ASB4: variants seen among roughly 807,000 people sequenced by gnomAD.
ASB4 encodes the protein ankyrin repeat and SOCS box containing 4.
In ASB4, 35 loss-of-function variants were observed where a neutral mutation model predicts 38.6. The observed-to-expected ratio is 0.91, with a 90% CI of 0.69 to 1.20. ASB4 has a LOEUF of 1.20. Among genes scored for constraint, ASB4 ranks in the 50% most tolerant of loss-of-function variants. ASB4 has a pLI of 0.00. For synonymous variants in ASB4, 195 were observed against 201.3 expected (o/e 0.97, Z 0.26); for missense variants, 557 against 527.2 (o/e 1.06, Z -0.55).
intron 2 of ASB4, among the ~76,000 whole-genome samples, chr7:95,518,386 G>A (rs1307184059): frequency 3.3e-5 from 5 of 152,234 alleles, no homozygotes; most frequent in South Asian, 2.1e-4. Context: ...TAGAGATGGC[G>A]AAGCCATAAG....
chr7:95,515,355 CTTTCTTTCT>C (rs1790566888), intron 2 of ASB4, among the ~76,000 whole-genome samples: 1 of 85,982 alleles, frequency 1.2e-5, no homozygotes, highest in Non-Finnish European at 2.5e-5. Context: ...CTTTCTTTTT[CTTTCTTTCT>C]TTTCTTTCTT....
At chr7:95,490,951 G>A (rs572684427) in intron 1 of ASB4, among the ~76,000 whole-genome samples, 1 of 152,298 alleles carries the variant, frequency 6.6e-6, no homozygotes, top group East Asian at 1.9e-4. Flanking sequence ...GATCATAGAC[G>A]GCTATTTAAA....
At chr7:95,493,091 A>G (rs1388707078) in intron 1 of ASB4, among the ~76,000 whole-genome samples, 1 of 152,174 alleles carries the variant, frequency 6.6e-6, no homozygotes, top group Non-Finnish European at 1.5e-5. Flanking sequence ...TCTGCCATGG[A>G]AAGTCCATAT....
Position 95,486,078 on chromosome 7 carries a change from T to C in ASB4, c.107T>C (p.Ile36Thr), listed in dbSNP as rs751728394. 6 of 1,614,144 alleles carry C rather than the reference T, an allele frequency of 3.7e-6. No individual in the cohort carries two copies. The highest frequency in any genetic ancestry group is 4.2e-6 in the Non-Finnish European group (5 of 1,179,978). ...AATGACTTCGGAAAATTGAAGGCTA[T>C]TTTGATCCAAAGGCAAATAGATGTG... Reference protein sequence around the residue: ...KSNDFGKLKAILIQRQIDVDT... With the variant: ...KSNDFGKLKATLIQRQIDVDT... Residue 36 changes from isoleucine to threonine, a missense_variant, in exon 1 of 5, where the codon ATT becomes ACT. By Grantham distance (89) the Ile-to-Thr change is moderately conservative (BLOSUM62 -1). Coordinates refer to ENST00000325885, the MANE Select transcript of ASB4 (RefSeq NM_016116.3).
upstream of ASB4, among the ~76,000 whole-genome samples, chr7:95,485,652 T>C (rs1339986828): frequency 6.6e-6 from 1 of 152,238 alleles, no homozygotes; most frequent in East Asian, 1.9e-4. Flanking sequence ...CTTTTAAATC[T>C]TATATTATTA....
chr7:95,521,150 T>G (rs1430175896), intron 2 of ASB4, among the ~76,000 whole-genome samples: 4 of 152,134 alleles, frequency 2.6e-5, no homozygotes, highest in Non-Finnish European at 4.4e-5. Context: ...CAATAAAAAT[T>G]TTATCATTTC....
chr7:95,479,766 A>G (rs1027630389), intron 1 of ASB4, among the ~76,000 whole-genome samples: 8 of 152,278 alleles, frequency 5.3e-5, no homozygotes, highest in Admixed American at 5.2e-4. Flanking sequence ...GCTTTGAGAG[A>G]ATTGGACTTG....
intron 1 of ASB4, among the ~76,000 whole-genome samples, chr7:95,488,891 AT>A (rs1790132251): frequency 6.6e-6 from 1 of 152,252 alleles, no homozygotes; most frequent in Non-Finnish European, 1.5e-5. Flanking sequence ...AAGAAAGACA[AT>A]GCACAAAACC....
chr7:95,535,896 T>C (rs1042081103), intron 3 of ASB4, among the ~76,000 whole-genome samples: 2 of 152,212 alleles, frequency 1.3e-5, no homozygotes, highest in Non-Finnish European at 2.9e-5. Context: ...TGGTCACCAG[T>C]GAATCTAAGT....
In ASB4 at chr7:95,495,854, T is replaced by G; in HGVS notation, c.284T>G (p.Leu95Arg). 1 of 1,614,044 alleles carries G rather than the reference T, an allele frequency of 6.2e-7. No individual in the cohort carries two copies. The highest frequency in any genetic ancestry group is 8.5e-7 in the Non-Finnish European group (1 of 1,180,004). The stretch of plus-strand genomic sequence containing the variant: ...CATGTGGAATGTCTTCTGGTGCTAC[T>G]GGACCACAATGCTACAATCAACTGT... Reference protein sequence around the residue: ...FGHVECLLVLLDHNATINCRP... With the variant: ...FGHVECLLVLRDHNATINCRP... The change falls in exon 2 of 5, where the codon CTG becomes CGG. Residue 95 changes from leucine (L) to arginine (R), a missense_variant. Coordinates refer to ENST00000325885, the MANE Select transcript of ASB4 (RefSeq NM_016116.3).
the ASB4 span, among the ~76,000 whole-genome samples, chr7:95,549,301 A>ATTT: frequency 2.2e-4 from 25 of 114,862 alleles, 2 homozygotes; most frequent in African/African-American, 8.2e-4. Flanking sequence ...AGGAGACTCC[A>ATTT]TTTTTTTTTT....
chr7:95,502,605 A>G (rs1281190744), intron 2 of ASB4, among the ~76,000 whole-genome samples: 2 of 152,206 alleles, frequency 1.3e-5, no homozygotes, highest in Non-Finnish European at 2.9e-5. Flanking sequence ...AGAAAAAGAA[A>G]GACACTGATC....
intron 2 of ASB4, among the ~76,000 whole-genome samples, chr7:95,524,564 G>A (rs1790710937): frequency 6.6e-6 from 1 of 152,118 alleles, no homozygotes. Flanking sequence ...GGGTCGAATT[G>A]TGCGCCACCC....
In ASB4 at chr7:95,528,030, C is replaced by T; in HGVS notation, c.705C>T (p.Cys235=). The T allele has an allele frequency of 1.9e-6, 3 of 1,614,172 alleles. No individual in the cohort carries two copies. In the African/African-American group the frequency reaches 4.0e-5, roughly 22 times the overall value. The change falls in exon 3 of 5, where the codon TGC becomes TGT. Residue 235 remains cysteine (C), a synonymous_variant. Coordinates refer to ENST00000325885, the MANE Select transcript of ASB4 (RefSeq NM_016116.3). ...QEYSTEHHLV[C]RMLLDYKAEV... Reference sequence around the variant, plus strand: ...ACAGCACGGAGCACCACCTGGTCTGCCGCATGCTGCTTGACTACAAAGCCG... The same window carrying T: ...ACAGCACGGAGCACCACCTGGTCTGTCGCATGCTGCTTGACTACAAAGCCG...
intron 3 of ASB4, among the ~76,000 whole-genome samples, chr7:95,530,858 T>A (rs1790811208): frequency 6.6e-6 from 1 of 152,134 alleles, no homozygotes; most frequent in Non-Finnish European, 1.5e-5. Context: ...AAATTTGCAA[T>A]AATTTAGATG....
In ASB4 at chr7:95,528,486, G is replaced by T. The variant is rs558135746; in HGVS notation, c.978+183G>T. ...CCTCATCTCATCCTAGTCTAGGTTT[G>T]CTTGAAATTGGGTGTGAGAGCTAGA... On this transcript the variant is annotated intron_variant, in intron 3 of 4. Coordinates refer to ENST00000325885, the MANE Select transcript of ASB4 (RefSeq NM_016116.3). The T allele has an allele frequency of 1.5e-4, 210 of 1,435,726 alleles. No homozygotes were observed. In the African/African-American group the frequency reaches 2.7e-3, roughly 18 times the overall value. The allele number at this position is 1,435,726 out of a possible 1,614,324, so 88.9% of individuals were successfully genotyped here.
At chr7:95,534,145 C>T (rs1790856637) in intron 3 of ASB4, among the ~76,000 whole-genome samples, 1 of 152,152 alleles carries the variant, frequency 6.6e-6, no homozygotes, top group Non-Finnish European at 1.5e-5. Context: ...ATAAATTCAA[C>T]ACCAGCCTTA....
intron 3 of ASB4, 119 bp from the exon 4 acceptor site, chr7:95,536,317 TG>T: frequency 1.7e-6 from 1 of 600,756 alleles, no homozygotes; most frequent in Non-Finnish European, 2.9e-6. Flanking sequence ...CCCAAGTAGC[TG>T]GGATTACAGG....
At chr7:95,544,763 C>T (rs957059116), downstream of ASB4, among the ~76,000 whole-genome samples, 3 of 152,098 alleles carry the variant, frequency 2.0e-5, no homozygotes, top group Non-Finnish European at 2.9e-5. Context: ...GGCACAATCT[C>T]GGCTCACTGC....
Sources: gnomAD v4.1 joint callset for allele counts (sites outside exome capture counted in the v4.1 genomes callset) on GRCh38, gnomAD v4.1.1 for gene constraint, MANE v1.5 for transcripts, NCBI Gene and HGNC (gene_info 2026-07-23, HGNC 2026-07-21) for gene names.